FANCC: variants seen among roughly 807,000 people sequenced by gnomAD.
FANCC encodes Fanconi anemia group C protein.
FANCC carries 55 observed loss-of-function variants against 71.3 expected under a neutral mutation model. That is an observed-to-expected ratio of 0.77 (90% CI 0.62 to 0.97). The LOEUF is 0.97. FANCC is among the 50% of genes least tolerant of loss of function. The pLI is 0.00. For missense variants in FANCC, 678 were observed against 670.9 expected (o/e 1.01, Z -0.12); for synonymous variants, 275 against 244.9 (o/e 1.12, Z -1.15).
chr9:95,129,784 C>A (rs914023108), intron 8 of FANCC, among the ~76,000 whole-genome samples: 1 of 152,114 alleles, frequency 6.6e-6, no homozygotes, highest in African/African-American at 2.4e-5. Context: ...TTATCTCCCC[C>A]CTCAGGCTTT....
intron 13 of FANCC, chr9:95,111,097 G>A: frequency 6.6e-7 from 1 of 1,520,570 alleles, no homozygotes; most frequent in African/African-American, 1.4e-5. Flanking sequence ...CTGTGGCCAG[G>A]CTCTGCTGCC....
intron 1 of FANCC, among the ~76,000 whole-genome samples, chr9:95,302,081 C>CAAAAAAAAAAAAAAAAAAAAAAAAAA (rs375479917): frequency 2.0e-5 from 2 of 98,976 alleles, no homozygotes; most frequent in East Asian, 5.6e-4. Context: ...GACTCCATCT[C>CAAAAAAAAAAAAAAAAAAAAAAAAAA]AAAAAAAAAA....
At chr9:95,251,898 A>T (rs1195582181) in intron 1 of FANCC, among the ~76,000 whole-genome samples, 1 of 152,174 alleles carries the variant, frequency 6.6e-6, no homozygotes, top group African/African-American at 2.4e-5. Flanking sequence ...TAAAAACTGA[A>T]AGGAAGTAAC....
intron 3 of FANCC, among the ~76,000 whole-genome samples, chr9:95,244,988 G>C (rs939212976): frequency 6.6e-6 from 1 of 152,004 alleles, no homozygotes; most frequent in South Asian, 2.1e-4. Flanking sequence ...AGCCCACAGA[G>C]AACAGTGCCC....
intron 12 of FANCC, among the ~76,000 whole-genome samples, chr9:95,112,153 A>G (rs1204205002): frequency 1.3e-5 from 2 of 152,250 alleles, no homozygotes; most frequent in African/African-American, 4.8e-5. Context: ...TTGTGAAGCT[A>G]TCCCCTCGCC....
chr9:95,211,201 G>C (rs1281604829), intron 4 of FANCC, among the ~76,000 whole-genome samples: 7 of 152,208 alleles, frequency 4.6e-5, no homozygotes, highest in Admixed American at 1.3e-4. Flanking sequence ...CTGGCTTTCT[G>C]CCTGGGTGCA....
chr9:95,282,007 A>G (rs563693322), intron 1 of FANCC, among the ~76,000 whole-genome samples: 92 of 151,478 alleles, frequency 6.1e-4, no homozygotes, highest in Non-Finnish European at 1.0e-3. Flanking sequence ...AATCTACAAA[A>G]CTAGAAAAAA....
intron 1 of FANCC, among the ~76,000 whole-genome samples, chr9:95,308,322 G>A (rs1238833650): frequency 3.3e-5 from 5 of 151,246 alleles, no homozygotes; most frequent in Non-Finnish European, 7.4e-5. Flanking sequence ...ACAGATCACC[G>A]CTTTTTGTTT....
intron 1 of FANCC, among the ~76,000 whole-genome samples, chr9:95,291,957 A>AT (rs1198070979): frequency 9.6e-6 from 1 of 104,316 alleles, no homozygotes; most frequent in African/African-American, 3.3e-5. Context: ...CAAAAAAAAA[A>AT]AAAAAAAAAA....
intron 4 of FANCC, among the ~76,000 whole-genome samples, chr9:95,218,788 G>GACT (rs577173370): frequency 6.6e-5 from 10 of 152,196 alleles, no homozygotes; most frequent in Non-Finnish European, 1.5e-4. Flanking sequence ...CTAGATGGCA[G>GACT]ACTAGGATGG....
chr9:95,190,095 T>C (rs796689650), intron 4 of FANCC, among the ~76,000 whole-genome samples: 63 of 152,136 alleles, frequency 4.1e-4, no homozygotes, highest in African/African-American at 1.5e-3. Flanking sequence ...GTTGAGAAAA[T>C]AGCAATTAGC....
At chr9:95,297,312 G>A (rs760531990) in intron 1 of FANCC, among the ~76,000 whole-genome samples, 6 of 152,230 alleles carry the variant, frequency 3.9e-5, no homozygotes, top group Non-Finnish European at 8.8e-5. Flanking sequence ...ATAGAGGCCA[G>A]CCAAAGGAAT....
chr9:95,303,453 C>G (rs537977336), intron 1 of FANCC, among the ~76,000 whole-genome samples: 1 of 152,336 alleles, frequency 6.6e-6, no homozygotes, highest in Non-Finnish European at 1.5e-5. Flanking sequence ...GAGGTCCTAG[C>G]TTGACCTCAA....
At chr9:95,270,651 C>T (rs1361479050) in intron 1 of FANCC, among the ~76,000 whole-genome samples, 1 of 152,130 alleles carries the variant, frequency 6.6e-6, no homozygotes, top group Non-Finnish European at 1.5e-5. Flanking sequence ...CAGAAAGGGA[C>T]CTGCTGAAAA....
chr9:95,144,114 A>G (rs976397249), intron 7 of FANCC, among the ~76,000 whole-genome samples: 5 of 141,808 alleles, frequency 3.5e-5, no homozygotes, highest in African/African-American at 1.3e-4. Context: ...TTTCCAAATG[A>G]CCACGCAGCA....
intron 4 of FANCC, among the ~76,000 whole-genome samples, chr9:95,192,015 C>A (rs896401751): frequency 2.6e-5 from 4 of 152,046 alleles, no homozygotes; most frequent in Admixed American, 6.6e-5. Context: ...AAGGCCAAAA[C>A]AATTTTTATG....
intron 3 of FANCC, among the ~76,000 whole-genome samples, chr9:95,243,539 C>T (rs1024748920): frequency 6.6e-6 from 1 of 151,828 alleles, no homozygotes; most frequent in South Asian, 2.1e-4. Context: ...AATCCCAGCA[C>T]TTTGGGAGGC....
chr9:95,292,920 G>A (rs1021627701), intron 1 of FANCC: 27 of 1,580,202 alleles, frequency 1.7e-5, no homozygotes, highest in South Asian at 4.4e-5. Flanking sequence ...GTGCACATGC[G>A]GCTGTCCCTA....
intron 1 of FANCC, among the ~76,000 whole-genome samples, chr9:95,298,466 G>C (rs1834528653): frequency 6.6e-6 from 1 of 152,180 alleles, no homozygotes; most frequent in African/African-American, 2.4e-5. Flanking sequence ...TGAAGACATA[G>C]ATGTAGAAAC....
Sources: gnomAD v4.1 joint callset for allele counts (sites outside exome capture counted in the v4.1 genomes callset) on GRCh38, gnomAD v4.1.1 for gene constraint, MANE v1.5 for transcripts, NCBI Gene and HGNC (gene_info 2026-07-23, HGNC 2026-07-21) for gene names.